The following FUT8 variants were observed in gnomAD, a reference collection of about 807,000 sequenced individuals.
The protein encoded by FUT8 is fucosyltransferase 8.
Under a neutral mutation model 71.3 loss-of-function variants are expected in FUT8, and 29 were observed. The observed-to-expected ratio is 0.41, with a 90% CI of 0.30 to 0.55. FUT8 has a LOEUF of 0.55. Ranked by LOEUF, FUT8 falls within the 20% of genes least tolerant of loss-of-function variation. The probability of loss-of-function intolerance (pLI) is 0.34; values close to 1 mark genes in which losing one functional copy is unlikely to be tolerated. For synonymous variants in FUT8, 254 were observed against 239.3 expected (o/e 1.06, Z -0.57); for missense variants, 544 against 702.1 (o/e 0.77, Z 2.55).
intron 2 of FUT8, among the ~76,000 whole-genome samples, chr14:65,475,279 CAT>C (rs1303363970): frequency 6.6e-6 from 1 of 152,126 alleles, no homozygotes; most frequent in Non-Finnish European, 1.5e-5. Context: ...TCTATAATAA[CAT>C]GTCTCCCAAA....
the FUT8 span, among the ~76,000 whole-genome samples, chr14:65,387,477 A>G: frequency 6.6e-6 from 1 of 152,320 alleles, no homozygotes; most frequent in East Asian, 1.9e-4. Context: ...ACTCAAGAGG[A>G]AGCCCCTGCA....
the FUT8 span, among the ~76,000 whole-genome samples, chr14:65,402,287 C>A: frequency 7.0e-6 from 1 of 143,688 alleles, no homozygotes; most frequent in Non-Finnish European, 1.5e-5. Context: ...TCTGCAGCCT[C>A]AACCTTGGGC....
At chr14:65,374,070 T>C in the FUT8 span, among the ~76,000 whole-genome samples, 1 of 152,248 alleles carries the variant, frequency 6.6e-6, no homozygotes, top group South Asian at 2.1e-4. Flanking sequence ...GCTGAGTCTT[T>C]CTGGGATTCT....
chr14:65,685,700 T>TGG (rs965135031), intron 7 of FUT8, among the ~76,000 whole-genome samples: 2 of 152,176 alleles, frequency 1.3e-5, no homozygotes, highest in Non-Finnish European at 2.9e-5. Flanking sequence ...GGGAAAGGGG[T>TGG]GGGCAATTCA....
the FUT8 span, among the ~76,000 whole-genome samples, chr14:65,383,366 C>T: frequency 1.3e-4 from 20 of 149,884 alleles, no homozygotes; most frequent in African/African-American, 3.4e-4. Context: ...TCGCCGCCTC[C>T]GAGGTTCAAG....
At chr14:65,577,698 C>A (rs1886866191) in intron 3 of FUT8, among the ~76,000 whole-genome samples, 1 of 152,036 alleles carries the variant, frequency 6.6e-6, no homozygotes, top group Non-Finnish European at 1.5e-5. Flanking sequence ...TGATTGCTCA[C>A]CCTGAGATAA....
chr14:65,580,344 A>T (rs781136697), intron 3 of FUT8, among the ~76,000 whole-genome samples: 6 of 151,628 alleles, frequency 4.0e-5, no homozygotes, highest in Non-Finnish European at 8.8e-5. Flanking sequence ...AAACATAGAA[A>T]AGGTACAGTA....
chr14:65,454,107 G>A (rs2139552682), intron 1 of FUT8, among the ~76,000 whole-genome samples: 1 of 152,316 alleles, frequency 6.6e-6, no homozygotes, highest in Non-Finnish European at 1.5e-5. Flanking sequence ...CCATCTGAGG[G>A]TAAATCTGTT....
intron 9 of FUT8, 123 bp from the exon 10 acceptor site, chr14:65,733,108 G>A: frequency 1.7e-6 from 1 of 590,768 alleles, no homozygotes; most frequent in Non-Finnish European, 2.9e-6. Context: ...ATCAACTACA[G>A]TATTAAATGC....
chr14:65,428,222 CTG>C (rs148794620), intron 1 of FUT8, among the ~76,000 whole-genome samples: 1 of 151,864 alleles, frequency 6.6e-6, no homozygotes, highest in Admixed American at 6.6e-5. Context: ...AATGTAGCCA[CTG>C]TGTGTGTGTG....
At chr14:65,442,412 C>T (rs368185015) in intron 1 of FUT8, among the ~76,000 whole-genome samples, 6 of 151,886 alleles carry the variant, frequency 4.0e-5, no homozygotes. Flanking sequence ...CCTCATGATC[C>T]GCCTGCTTCA....
intron 1 of FUT8, among the ~76,000 whole-genome samples, chr14:65,421,372 G>A (rs1395894174): frequency 6.6e-6 from 1 of 152,138 alleles, no homozygotes; most frequent in East Asian, 1.9e-4. Context: ...GTGGAAGGGG[G>A]AAGGGGAGGC....
At chr14:65,675,082 A>G (rs890313270) in intron 7 of FUT8, among the ~76,000 whole-genome samples, 2 of 152,234 alleles carry the variant, frequency 1.3e-5, no homozygotes, top group African/African-American at 2.4e-5. Context: ...AGAAGAAGTT[A>G]AGCTGCTTTT....
chr14:65,681,133 T>C (rs148412208), intron 7 of FUT8, among the ~76,000 whole-genome samples: 11 of 152,356 alleles, frequency 7.2e-5, no homozygotes, highest in African/African-American at 2.6e-4. Context: ...TTTCTTTGAG[T>C]ATACTGTGAG....
At position 65,660,787 on chromosome 14, in the gene FUT8, GTTA is replaced by G. The variant is rs1891921796; in HGVS notation, c.598-8452_598-8450del. On this transcript the variant is annotated intron_variant, in intron 6 of 10. Coordinates refer to ENST00000673929, the MANE Select transcript of FUT8 (RefSeq NM_001371533.1). The surrounding 1 kb of genome is among the most constrained non-coding windows in gnomAD (Gnocchi z 4.1). ...ATGCTTTTTAATTGCCTCTTTCATG[GTTA>G]TTAACTGAGTCTTCATTTTAATTAC... Among the ~76,000 whole-genome samples the G allele has an allele frequency of 6.6e-6, 1 of 152,062 alleles. No homozygotes were observed. The highest frequency in any genetic ancestry group is 1.5e-5 in the Non-Finnish European group (1 of 68,012).
intron 3 of FUT8, among the ~76,000 whole-genome samples, chr14:65,587,795 T>C (rs1258628658): frequency 1.3e-5 from 2 of 152,218 alleles, no homozygotes; most frequent in African/African-American, 4.8e-5. Context: ...ATTAGTTGTG[T>C]GGTTGGTAGT....
intron 2 of FUT8, among the ~76,000 whole-genome samples, chr14:65,557,291 T>C (rs148423983): frequency 2.8e-4 from 42 of 151,758 alleles, no homozygotes; most frequent in Non-Finnish European, 5.3e-4. Context: ...AAAGGTGATA[T>C]CAATCTAGCC....
At chr14:65,715,258 C>T (rs1294698950) in intron 7 of FUT8, among the ~76,000 whole-genome samples, 1 of 152,152 alleles carries the variant, frequency 6.6e-6, no homozygotes, top group Non-Finnish European at 1.5e-5. Context: ...TGCTTTTATA[C>T]TCAGTTTTTT....
rs544704225 is a variant in FUT8 at position 65,550,920 on chromosome 14, G to A, written c.-227-10417G>A. The stretch of plus-strand genomic sequence containing the variant: ...CCAGTTTAGTGCTGTTGCAGACAAT[G>A]ATGTAAAGAGTATGTGAATGCATTT... On this transcript the variant is annotated intron_variant, in intron 2 of 10. Coordinates refer to ENST00000673929, the MANE Select transcript of FUT8 (RefSeq NM_001371533.1). The surrounding 1 kb of genome is among the most constrained non-coding windows in gnomAD (Gnocchi z 4.5). Among the ~76,000 whole-genome samples, 4 of 152,306 alleles carry A rather than the reference G, an allele frequency of 2.6e-5. No individual in the cohort carries two copies. In the South Asian group the frequency reaches 8.3e-4, roughly 32 times the overall value.
Sources: gnomAD v4.1 joint callset for allele counts (sites outside exome capture counted in the v4.1 genomes callset) on GRCh38, gnomAD v4.1.1 for gene constraint, Gnocchi (gnomAD v3.1) non-coding constraint, MANE v1.5 for transcripts, NCBI Gene and HGNC (gene_info 2026-07-23, HGNC 2026-07-21) for gene names.